The following ESRP1 variants were observed in gnomAD, a reference collection of about 807,000 sequenced individuals.
ESRP1 encodes epithelial splicing regulatory protein 1.
ESRP1 carries 33 observed loss-of-function variants against 81.7 expected under a neutral mutation model. That is an observed-to-expected ratio of 0.40 (90% CI 0.31 to 0.54). The LOEUF (loss-of-function observed/expected upper bound fraction) is 0.54, where lower values mean the gene tolerates loss of function less well. Ranked by LOEUF, ESRP1 falls within the 20% of genes least tolerant of loss-of-function variation. The pLI, the probability that ESRP1 is intolerant of heterozygous loss-of-function variation, is 0.41. For missense variants in ESRP1, 672 were observed against 833.1 expected, an observed-to-expected ratio of 0.81 and a Z score of 2.38; for synonymous variants, 320 against 303.3, an observed-to-expected ratio of 1.06 and a Z score of -0.57.
At chr8:94,670,435 T>C (rs1042771381) in intron 10 of ESRP1, among the ~76,000 whole-genome samples, 1 of 152,158 alleles carries the variant, frequency 6.6e-6, no homozygotes, top group Non-Finnish European at 1.5e-5. Flanking sequence ...TCTCTGGTGG[T>C]GTGGTTTGAT....
intron 4 of ESRP1, among the ~76,000 whole-genome samples, chr8:94,658,652 T>C (rs145201911): frequency 2.8e-4 from 42 of 152,336 alleles, no homozygotes; most frequent in African/African-American, 9.6e-4. Flanking sequence ...AATATACTTT[T>C]ATACTCCTTT....
At chr8:94,665,097 T>C in intron 8 of ESRP1, 38 bp downstream of exon 8, 1 of 1,613,782 alleles carries the variant, frequency 6.2e-7, no homozygotes, top group Non-Finnish European at 8.5e-7. Context: ...ACATCGTGAA[T>C]GAGAATTAAC....
At chr8:94,672,758 C>T (rs1819391088) in intron 11 of ESRP1, among the ~76,000 whole-genome samples, 1 of 152,238 alleles carries the variant, frequency 6.6e-6, no homozygotes, top group South Asian at 2.1e-4. Flanking sequence ...GTCTCAAACT[C>T]CTGACCTCGG....
At chr8:94,661,771 T>A (rs948454937) in intron 4 of ESRP1, among the ~76,000 whole-genome samples, 1 of 152,198 alleles carries the variant, frequency 6.6e-6, no homozygotes, top group African/African-American at 2.4e-5. Flanking sequence ...AAGTGTTCTA[T>A]AATAGAATTT....
chr8:94,684,469 C>T (rs12675372), intron 13 of ESRP1, among the ~76,000 whole-genome samples: 51,905 of 151,874 alleles, frequency 0.34, 9,519 homozygotes, highest in East Asian at 0.56. Context: ...TTTAAAGGTT[C>T]CCTACATGAA....
rs2303454 is a variant in ESRP1, at chr8:94,662,368, A to G, written c.587A>G (p.Tyr196Cys). 5.1e-5 allele frequency: 80 copies of G among 1,568,866 alleles called. No individual in the cohort carries two copies. In the East Asian group the frequency reaches 1.8e-3, roughly 35 times the overall value. ...NIILAMISEP[Y>C]NHRFSDPERV... ...ATTTTAGCAATGATTTCAGAGCCTT[A>G]TAGTAAGTATTGCTTTTATAGTAGT... The change falls in exon 5 of 16, where the codon TAT (tyrosine) becomes TGT (cysteine). Residue 196 changes from tyrosine (Y) to cysteine (C), a missense_variant and splice_region_variant. By Grantham distance (194) the Tyr-to-Cys change is radical. Transcript: ENST00000433389.
intron 14 of ESRP1, 126 bp downstream of exon 14, chr8:94,692,953 C>T (rs1809464321): frequency 9.7e-7 from 1 of 1,028,190 alleles, no homozygotes; most frequent in East Asian, 2.7e-5. Context: ...AATGGATTTG[C>T]TTATGGAAAC....
chr8:94,700,937 ATGTGTGTGTGTG>A (rs1158857032), intron 15 of ESRP1, among the ~76,000 whole-genome samples: 4 of 125,838 alleles, frequency 3.2e-5, no homozygotes, highest in Middle Eastern at 8.3e-3. Context: ...TCAAAAAAAA[ATGTGTGTGTGTG>A]TGTATGTGTG....
intron 14 of ESRP1, among the ~76,000 whole-genome samples, chr8:94,695,882 G>T (rs149715966): frequency 0.014 from 2,197 of 152,140 alleles, 64 homozygotes; most frequent in African/African-American, 0.05. Flanking sequence ...GGCCAACATG[G>T]TGAAACCCTG....
intron 9 of ESRP1, among the ~76,000 whole-genome samples, chr8:94,667,108 C>A (rs572103972): frequency 1.2e-3 from 128 of 109,864 alleles, no homozygotes; most frequent in African/African-American, 5.2e-3. Context: ...CCCAGCTACT[C>A]TGGGAGGCCG....
intron 4 of ESRP1, among the ~76,000 whole-genome samples, chr8:94,661,275 CAAG>C (rs1409251780): frequency 2.0e-5 from 3 of 152,134 alleles, no homozygotes; most frequent in Non-Finnish European, 4.4e-5. Context: ...CTCCTGGTCT[CAAG>C]AGATCCTCCC....
At position 94,667,948 on chromosome 8, in the gene ESRP1, G is replaced by C; in HGVS notation, c.932-1G>C. 6.4e-7 allele frequency: 1 copy of C among 1,573,808 alleles called. No homozygotes were observed. The highest frequency in any genetic ancestry group is 8.6e-7 in the Non-Finnish European group (1 of 1,159,650). On this transcript the variant is annotated splice_acceptor_variant, in intron 9 of 15. Transcript: ENST00000433389. LOFTEE classifies it high-confidence loss of function. ...TGCTTCCTAATATTTGTTTTCCCTA[G>C]GTACTTCCAATGAGGTAGCCCAGTT... is the stretch of plus-strand genomic sequence containing the variant.
At chr8:94,659,071 G>A (rs759536056) in intron 4 of ESRP1, among the ~76,000 whole-genome samples, 17 of 152,020 alleles carry the variant, frequency 1.1e-4, no homozygotes, top group Non-Finnish European at 1.3e-4. Flanking sequence ...ATTTTGTAGA[G>A]ATGGGGACTC....
At chr8:94,655,512 A>C (rs1039426758) in intron 4 of ESRP1, among the ~76,000 whole-genome samples, 3 of 150,784 alleles carry the variant, frequency 2.0e-5, no homozygotes, top group African/African-American at 7.3e-5. Flanking sequence ...TTGACTTCTC[A>C]TTGTATTTTC....
rs10652320 is a variant in ESRP1 at position 94,676,349 on chromosome 8, C to CAAAA, written c.1652-1841_1652-1838dup. Among the ~76,000 whole-genome samples the CAAAA allele has an allele frequency of 7.8e-3, 939 of 120,684 alleles. 16 individuals are homozygous for CAAAA. Among genetic ancestry groups the CAAAA allele is most frequent in the African/African-American group, 0.028 (878 of 31,548 alleles). 79.2% of individuals were successfully genotyped at this position (120,684 alleles called of 152,430 possible). On this transcript the variant is annotated intron_variant, in intron 12 of 15. Coordinates refer to ENST00000433389, the MANE Select transcript of ESRP1 (RefSeq NM_017697.4). ...CCTGGGCGACAGTGAGACTCAGTCT[C>CAAAA]AAAAAAAAAAAAAAAAGCTATCCTT...
intron 15 of ESRP1, among the ~76,000 whole-genome samples, chr8:94,701,770 G>T (rs1677004463): frequency 6.6e-6 from 1 of 151,974 alleles, no homozygotes; most frequent in South Asian, 2.1e-4. Context: ...TATCTGTTAG[G>T]TCTCAAAGGC....
At position 94,688,293 on chromosome 8, in the gene ESRP1, A is replaced by G. The variant is rs533288594; in HGVS notation, c.1821-4384A>G. 4 of 172,374 alleles carry G rather than the reference A, an allele frequency of 2.3e-5. No homozygotes were observed. In the Middle Eastern group the frequency reaches 8.4e-3, roughly 361 times the overall value. The allele number at this position is 172,374 out of a possible 1,614,324, so 10.7% of individuals were successfully genotyped here. A position where few individuals can be genotyped will look rare whatever the true frequency, so the allele number is the denominator to read the frequency against. ...ATCAACAATGTCAAAACAAGAGGCA[A>G]ACATCAGGTTCTTAGAAGGCTGTGC... is the stretch of plus-strand genomic sequence containing the variant. On this transcript the variant is annotated intron_variant, in intron 13 of 15. Coordinates refer to ENST00000433389, the MANE Select transcript of ESRP1 (RefSeq NM_017697.4).
chr8:94,658,479 T>C (rs1434349801), intron 4 of ESRP1, among the ~76,000 whole-genome samples: 1 of 152,166 alleles, frequency 6.6e-6, no homozygotes, highest in African/African-American at 2.4e-5. Context: ...AACTCTTAAA[T>C]TGACGATTGT....
At chr8:94,659,137 T>C (rs1447911492) in intron 4 of ESRP1, among the ~76,000 whole-genome samples, 1 of 152,012 alleles carries the variant, frequency 6.6e-6, no homozygotes, top group African/African-American at 2.4e-5. Context: ...CACCTCGGCC[T>C]CCCAAAGTGC....
Sources: gnomAD v4.1 joint callset for allele counts (sites outside exome capture counted in the v4.1 genomes callset) on GRCh38, gnomAD v4.1.1 for gene constraint, MANE v1.5 for transcripts, NCBI Gene and HGNC (gene_info 2026-07-23, HGNC 2026-07-21) for gene names.